TBL1X: variants seen among roughly 807,000 people sequenced by gnomAD.
TBL1X encodes the protein F-box-like/WD repeat-containing protein TBL1X.
Under a neutral mutation model 50.7 loss-of-function variants are expected in TBL1X, and 10 were observed. The ratio of observed to expected loss-of-function variants is 0.20; its 90% CI spans 0.12 to 0.33. TBL1X has a LOEUF of 0.33. TBL1X is among the 10% of genes least tolerant of loss of function. The pLI is 1.00. For missense variants in TBL1X, 340 were observed against 504.4 expected (o/e 0.67, Z 3.12); for synonymous variants, 190 against 214.7 (o/e 0.88, Z 1.01).
At chrX:9,648,287 G>C (rs1488170785) in intron 3 of TBL1X, among the ~76,000 whole-genome samples, 1 of 112,127 alleles carries the variant, frequency 8.9e-6, no homozygotes, top group Non-Finnish European at 1.9e-5. Flanking sequence ...ATAAAAAGTA[G>C]TAATTGTAAT....
intron 6 of TBL1X, among the ~76,000 whole-genome samples, chrX:9,686,726 C>T (rs932438434): frequency 8.9e-6 from 1 of 111,894 alleles, no homozygotes; most frequent in Non-Finnish European, 1.9e-5. Flanking sequence ...AGTGTGCCCG[C>T]GGAGTTTAAA....
At chrX:9,660,286 A>G (rs1292463781) in intron 5 of TBL1X, among the ~76,000 whole-genome samples, 1 of 112,821 alleles carries the variant, frequency 8.9e-6, no homozygotes, top group African/African-American at 3.2e-5. Context: ...AATAAAAACC[A>G]TGTGATGATG....
intron 2 of TBL1X, among the ~76,000 whole-genome samples, chrX:9,547,109 C>T (rs1306389214): frequency 5.4e-5 from 6 of 110,361 alleles, no homozygotes; most frequent in Non-Finnish European, 7.6e-5. Context: ...TGGGCCACCG[C>T]GCCCGGCCTT....
At chrX:9,708,691 G>A (rs1185556426) in intron 13 of TBL1X, among the ~76,000 whole-genome samples, 1 of 85,139 alleles carries the variant, frequency 1.2e-5, no homozygotes, top group Non-Finnish European at 2.3e-5. Context: ...AGACCAGCTT[G>A]GGCAAAAATC....
At chrX:9,534,500 A>G (rs1250810228) in intron 2 of TBL1X, among the ~76,000 whole-genome samples, 1 of 110,764 alleles carries the variant, frequency 9.0e-6, no homozygotes, top group South Asian at 3.9e-4. Flanking sequence ...AAAAAGGTTT[A>G]TAGAGATATG....
intron 12 of TBL1X, among the ~76,000 whole-genome samples, chrX:9,697,712 G>A (rs1202877521): frequency 3.6e-5 from 4 of 111,500 alleles, no homozygotes; most frequent in South Asian, 3.7e-4. Flanking sequence ...TGGAGTTTGC[G>A]GTGAGCCAAG....
At chrX:9,645,628 T>G (rs1778021458) in intron 3 of TBL1X, among the ~76,000 whole-genome samples, 1 of 112,422 alleles carries the variant, frequency 8.9e-6, no homozygotes, top group African/African-American at 3.2e-5. Context: ...TTCAGACCAT[T>G]GACTCCAAGT....
intron 6 of TBL1X, among the ~76,000 whole-genome samples, chrX:9,684,709 C>G (rs1023100886): frequency 1.6e-4 from 18 of 110,872 alleles, no homozygotes; most frequent in African/African-American, 5.9e-4. Flanking sequence ...GCCCCTCCCA[C>G]ATGGCTCTGT....
chrX:9,709,742 C>G lies in TBL1X; in HGVS notation c.1421C>G (p.Ser474Cys), dbSNP rs1185872770. ...GGGCCCGCCACCAGCAACCCAAACT[C>G]CAACATCATGTTGGCAAGGTAAGGG... ...PTGPATSNPN[S>C]NIMLASASFD... The change falls in exon 15 of 18, where the codon TCC becomes TGC. Residue 474 changes from serine (S) to cysteine (C), a missense_variant. By Grantham distance (112) the Ser-to-Cys change is moderately radical. Coordinates refer to ENST00000645353, the MANE Select transcript of TBL1X (RefSeq NM_005647.4). 1.7e-6 allele frequency: 2 copies of G among 1,208,259 alleles called. No homozygotes were observed. Among genetic ancestry groups the G allele is most frequent in the African/African-American group, 1.7e-5 (1 of 57,372 alleles).
intron 2 of TBL1X, among the ~76,000 whole-genome samples, chrX:9,590,373 TAAA>T (rs199833403): frequency 0.34 from 36,713 of 108,782 alleles, 4,721 homozygotes; most frequent in East Asian, 0.66. Context: ...TTTTTTTTTT[TAAA>T]AAAGTCAGAT....
chrX:9,519,049 T>C lies in TBL1X; in HGVS notation c.-131+17200T>C, dbSNP rs775557884. Among the ~76,000 whole-genome samples, 10 of 110,915 alleles carry C rather than the reference T, an allele frequency of 9.0e-5. No homozygotes were observed. The South Asian group carries it at 3.4e-3, about 38-fold the overall frequency. ...CCCAATCTCCTGCCTTTGCGTTCAC[T>C]ATTTTAGATGGTTGTGTCACCTTGA... On this transcript the variant is annotated intron_variant, in intron 2 of 17. Transcript: ENST00000645353.
In TBL1X at chrX:9,517,528, T is replaced by G. The variant is rs752865479; in HGVS notation, c.-131+15679T>G. Among the ~76,000 whole-genome samples the G allele has an allele frequency of 3.6e-5, 4 of 111,888 alleles. No homozygotes were observed. In the South Asian group the frequency reaches 1.5e-3, roughly 41 times the overall value. On this transcript the variant is annotated intron_variant, in intron 2 of 17. Transcript: ENST00000645353. ...AATCCACATCACTAGAAAGACTCTT[T>G]CCGTTTTATAACTTGGGAAACTAAG...
intron 2 of TBL1X, among the ~76,000 whole-genome samples, chrX:9,572,795 G>A (rs1247169993): frequency 1.8e-5 from 2 of 112,719 alleles, no homozygotes; most frequent in East Asian, 2.8e-4. Context: ...CCTTCCGATT[G>A]CAGGTGTTGT....
At chrX:9,498,297 G>A (rs187515872) in intron 1 of TBL1X, among the ~76,000 whole-genome samples, 59 of 111,719 alleles carry the variant, frequency 5.3e-4, no homozygotes, top group African/African-American at 1.9e-3. Context: ...AGGGGACAGC[G>A]TCCTCTGTTT....
intron 1 of TBL1X, among the ~76,000 whole-genome samples, chrX:9,478,377 C>T (rs928419488): frequency 3.0e-4 from 33 of 111,500 alleles, no homozygotes; most frequent in Admixed American, 2.9e-3. Context: ...GGATCTACCT[C>T]TGCTCTATGG....
chrX:9,701,569 T>TAAAAAAAAAAA (rs63287561), intron 12 of TBL1X, among the ~76,000 whole-genome samples: 12 of 47,033 alleles, frequency 2.6e-4, no homozygotes, highest in African/African-American at 8.6e-4. Flanking sequence ...CTTGATGAGC[T>TAAAAAAAAAAA]AAAAAAAAAA....
At chrX:9,674,674 G>T (rs771037370) in intron 5 of TBL1X, among the ~76,000 whole-genome samples, 1 of 5,983 alleles carries the variant, frequency 1.7e-4, no homozygotes, top group Admixed American at 2.5e-3. Context: ...TGATCCTCCC[G>T]CCTCAGCCCC....
intron 2 of TBL1X, among the ~76,000 whole-genome samples, chrX:9,578,414 G>C (rs2082423503): frequency 9.0e-6 from 1 of 111,223 alleles, no homozygotes; most frequent in African/African-American, 3.3e-5. Flanking sequence ...GCTGCCGTTA[G>C]AGATGGCACT....
intron 2 of TBL1X, among the ~76,000 whole-genome samples, chrX:9,559,283 T>C (rs1425311039): frequency 9.0e-6 from 1 of 111,687 alleles, no homozygotes; most frequent in East Asian, 2.8e-4. Flanking sequence ...ACTTTATTTT[T>C]GCTATTTTGT....
Sources: allele counts gnomAD v4.1 joint callset (sites outside exome capture counted in the v4.1 genomes callset), GRCh38; gene constraint gnomAD v4.1.1; transcripts MANE v1.5; gene names NCBI Gene and HGNC (gene_info 2026-07-23, HGNC 2026-07-21).